LRRC37A2: variants seen among roughly 807,000 people sequenced by gnomAD.
LRRC37A2 encodes the protein leucine rich repeat containing 37 member A2, also known as leucine-rich repeat-containing protein 37A2.
LRRC37A2 carries 9 observed loss-of-function variants against 68.8 expected under a neutral mutation model. That is an observed-to-expected ratio of 0.13 (90% CI 0.08 to 0.23). The LOEUF is 0.23. Ranked by LOEUF, LRRC37A2 falls within the 10% of genes least tolerant of loss-of-function variation. The probability of loss-of-function intolerance (pLI) is 1.00; values close to 1 mark genes in which losing one functional copy is unlikely to be tolerated. For missense variants in LRRC37A2, 168 were observed against 950.4 expected (o/e 0.18, Z 10.82); for synonymous variants, 63 against 367.6 (o/e 0.17, Z 9.48).
the LRRC37A2 span, among the ~76,000 whole-genome samples, chr17:47,020,023 C>G: frequency 6.7e-6 from 1 of 148,894 alleles, no homozygotes; most frequent in African/African-American, 2.5e-5. Flanking sequence ...GTTTTCGTAT[C>G]CATTTTTATT....
the LRRC37A2 span, among the ~76,000 whole-genome samples, chr17:46,499,298 C>A: frequency 2.1e-5 from 2 of 94,402 alleles, no homozygotes; most frequent in African/African-American, 5.7e-5. Flanking sequence ...GTCGACAGAG[C>A]AAGACTCCAG....
chr17:46,851,646 C>T, the LRRC37A2 span: 1 of 1,280,996 alleles, frequency 7.8e-7, no homozygotes, highest in Non-Finnish European at 9.8e-7. This position sits in a 1 kb window ranked among gnomAD's most constrained non-coding sequence, Gnocchi z 4.3. Flanking sequence ...ACCATGCGCC[C>T]CCCGCCCGCG....
At chr17:46,710,979 A>G in the LRRC37A2 span, 1 of 1,593,360 alleles carries the variant, frequency 6.3e-7, no homozygotes, top group Non-Finnish European at 8.5e-7. Flanking sequence ...GGCACAAACC[A>G]AGAAGATTAT....
the LRRC37A2 span, among the ~76,000 whole-genome samples, chr17:46,881,777 T>G: frequency 6.6e-6 from 1 of 152,256 alleles, no homozygotes; most frequent in Non-Finnish European, 1.5e-5. Flanking sequence ...ATGTGCTTTC[T>G]GTCTTTGCAT....
At chr17:47,007,624 T>A in the LRRC37A2 span, among the ~76,000 whole-genome samples, 1 of 152,164 alleles carries the variant, frequency 6.6e-6, no homozygotes, top group Non-Finnish European at 1.5e-5. Context: ...CTTTGGCCAA[T>A]AACTGTTCGA....
At chr17:46,944,046 C>T in the LRRC37A2 span, among the ~76,000 whole-genome samples, 5 of 152,180 alleles carry the variant, frequency 3.3e-5, no homozygotes, top group African/African-American at 4.8e-5. Flanking sequence ...TCCTTCCAGG[C>T]ATCTGTGACA....
At chr17:46,767,779 T>G in the LRRC37A2 span, among the ~76,000 whole-genome samples, 91 of 152,158 alleles carry the variant, frequency 6.0e-4, no homozygotes, top group Non-Finnish European at 7.6e-4. Flanking sequence ...TTTTGTTTTT[T>G]TTTGTTTGTT....
At chr17:46,832,078 T>C in the LRRC37A2 span, among the ~76,000 whole-genome samples, 1 of 152,182 alleles carries the variant, frequency 6.6e-6, no homozygotes, top group Admixed American at 6.5e-5. Flanking sequence ...CCAGTGGCAC[T>C]ATTGGCAGGC....
At chr17:46,860,781 T>G in the LRRC37A2 span, among the ~76,000 whole-genome samples, 1 of 152,268 alleles carries the variant, frequency 6.6e-6, no homozygotes, top group South Asian at 2.1e-4. Flanking sequence ...CAGCACTTTA[T>G]GTGCATTACT....
chr17:46,923,631 G>T, the LRRC37A2 span: 3 of 1,213,436 alleles, frequency 2.5e-6, no homozygotes, highest in Non-Finnish European at 3.1e-6. Flanking sequence ...TGGAGAGTCA[G>T]GGCACGTACG....
chr17:46,770,609 C>G, the LRRC37A2 span, among the ~76,000 whole-genome samples: 1 of 152,182 alleles, frequency 6.6e-6, no homozygotes, highest in Non-Finnish European at 1.5e-5. Flanking sequence ...ACACGGCTTC[C>G]CTCCGCTCCT....
the LRRC37A2 span, among the ~76,000 whole-genome samples, chr17:46,789,359 A>G: frequency 6.6e-6 from 1 of 152,130 alleles, no homozygotes; most frequent in African/African-American, 2.4e-5. Context: ...GCTATACACT[A>G]CGGCAGATCA....
the LRRC37A2 span, chr17:46,851,745 C>T: frequency 2.5e-6 from 3 of 1,177,538 alleles, no homozygotes; most frequent in African/African-American, 3.2e-5. The surrounding 1 kb of genome is among the most constrained non-coding windows in gnomAD (Gnocchi z 4.3). Flanking sequence ...CCCGCCCGCT[C>T]CCCGGCCTGC....
At chr17:46,971,069 A>C in the LRRC37A2 span, among the ~76,000 whole-genome samples, 2 of 152,112 alleles carry the variant, frequency 1.3e-5, no homozygotes, top group Non-Finnish European at 2.9e-5. Context: ...TTTAAAACAT[A>C]GGCCGGTGCG....
At chr17:46,938,804 A>AGTGT in the LRRC37A2 span, 7 of 1,593,626 alleles carry the variant, frequency 4.4e-6, no homozygotes, top group Middle Eastern at 1.9e-4. Flanking sequence ...ACAGCCTGCA[A>AGTGT]GTGTGTGTGT....
chr17:46,896,074 C>G, the LRRC37A2 span, among the ~76,000 whole-genome samples: 1 of 151,612 alleles, frequency 6.6e-6, no homozygotes, highest in Non-Finnish European at 1.5e-5. Context: ...GTCAGGAGAT[C>G]GAGACCATCC....
the LRRC37A2 span, among the ~76,000 whole-genome samples, chr17:46,950,706 TGA>T: frequency 4.6e-5 from 7 of 151,990 alleles, no homozygotes; most frequent in African/African-American, 1.7e-4. Flanking sequence ...CTCAGTGGCT[TGA>T]GAGGGCAGGG....
chr17:46,625,802 T>C, the LRRC37A2 span, among the ~76,000 whole-genome samples: 2 of 110,114 alleles, frequency 1.8e-5, no homozygotes, highest in African/African-American at 9.2e-5. Flanking sequence ...CCAACTACTT[T>C]AGAGACTGAA....
the LRRC37A2 span, among the ~76,000 whole-genome samples, chr17:46,816,175 A>G: frequency 7.9e-6 from 1 of 126,760 alleles, no homozygotes; most frequent in Admixed American, 8.1e-5. Flanking sequence ...ATGCCCAGTC[A>G]TGAACACAGT....
Sources: allele counts gnomAD v4.1 joint callset (sites outside exome capture counted in the v4.1 genomes callset), GRCh38; gene constraint gnomAD v4.1.1; non-coding constraint Gnocchi (gnomAD v3.1); transcripts MANE v1.5; gene names NCBI Gene and HGNC (gene_info 2026-07-23, HGNC 2026-07-21).